MFSD1: variants seen among roughly 807,000 people sequenced by gnomAD.
MFSD1 encodes the protein major facilitator superfamily domain containing 1, also known as lysosomal dipeptide transporter MFSD1.
A neutral mutation model predicts 67.1 loss-of-function variants in MFSD1; 59 were observed. The ratio of observed to expected loss-of-function variants is 0.88; its 90% CI spans 0.71 to 1.09. MFSD1 has a LOEUF of 1.09. Among genes scored for constraint, MFSD1 ranks in the 50% least tolerant of loss-of-function variants. The pLI is 0.00. For missense variants in MFSD1, 552 were observed against 566.1 expected (o/e 0.97, Z 0.25); for synonymous variants, 213 against 200.3 (o/e 1.06, Z -0.54).
Position 158,820,220 on chromosome 3 carries a change from G to A in MFSD1, c.757G>A (p.Val253Ile), listed in dbSNP as rs1730601793. 6.3e-7 allele frequency: 1 copy of A among 1,576,470 alleles called. No homozygotes were observed. Among genetic ancestry groups the A allele is most frequent in the South Asian group, 1.1e-5 (1 of 89,976 alleles). ...LHKEQGKTGE[V>I]IKLTDVKDFS... Reference sequence around the variant, plus strand: ...TCTTCCCTTTCTTCTCTAAGGTGAAGTTATTAAATTAACTGATGTAAAGGA... The same window carrying A: ...TCTTCCCTTTCTTCTCTAAGGTGAAATTATTAAATTAACTGATGTAAAGGA... Residue 253 changes from valine to isoleucine, a missense_variant, in exon 9 of 16, where the codon GTT (valine) becomes ATT (isoleucine). Physicochemically the swap from Val to Ile is conservative, Grantham distance 29 (BLOSUM62 3). Coordinates refer to ENST00000415822, the MANE Select transcript of MFSD1 (RefSeq NM_022736.4).
Position 158,807,096 on chromosome 3 carries a change from A to C in MFSD1, c.372+14A>C, listed in dbSNP as rs772115755. Reference sequence around the variant, plus strand: ...TGCATTGGACAGGTAAGGAAGGCCAAAACATTCATTGATTATTGACAGTGA... The same window carrying C: ...TGCATTGGACAGGTAAGGAAGGCCACAACATTCATTGATTATTGACAGTGA... On this transcript the variant is annotated intron_variant, in intron 4 of 15. Transcript: ENST00000415822. 1.2e-6 allele frequency: 2 copies of C among 1,606,372 alleles called. No individual in the cohort carries two copies. Among genetic ancestry groups the C allele is most frequent in the South Asian group, 2.2e-5 (2 of 90,252 alleles).
At chr3:158,823,147 T>A (rs897411746) in intron 11 of MFSD1, 3 of 330,896 alleles carry the variant, frequency 9.1e-6, no homozygotes, top group Non-Finnish European at 1.1e-5. Flanking sequence ...ATTTTCTTAC[T>A]TGGTCCTTGA....
intron 9 of MFSD1, among the ~76,000 whole-genome samples, chr3:158,821,086 C>G (rs1730645079): frequency 6.6e-6 from 1 of 152,148 alleles, no homozygotes; most frequent in South Asian, 2.1e-4. Context: ...GTAATTCTGC[C>G]AGACTTAAAT....
intron 7 of MFSD1, among the ~76,000 whole-genome samples, chr3:158,818,732 C>T (rs1576909806): frequency 6.6e-6 from 1 of 152,218 alleles, no homozygotes; most frequent in East Asian, 1.9e-4. Context: ...TCAAACTCTC[C>T]CTCTCAAATC....
intron 6 of MFSD1, among the ~76,000 whole-genome samples, chr3:158,811,928 A>G (rs1730043600): frequency 6.6e-6 from 1 of 152,240 alleles, no homozygotes; most frequent in Non-Finnish European, 1.5e-5. Context: ...CTTTCATTCC[A>G]AAATACCTAT....
intron 13 of MFSD1, chr3:158,824,462 G>GT (rs1218776462): frequency 2.5e-6 from 1 of 404,188 alleles, no homozygotes; most frequent in Non-Finnish European, 4.4e-6. Context: ...ACTATTTACA[G>GT]TTTAAAAAAA....
chr3:158,826,245 A>C (rs1039239720), intron 14 of MFSD1, among the ~76,000 whole-genome samples, 183 bp downstream of exon 14: 3 of 152,180 alleles, frequency 2.0e-5, no homozygotes, highest in Non-Finnish European at 2.9e-5. Context: ...ATATTTATTA[A>C]GATTGCTGTC....
At chr3:158,805,694 C>T (rs1729688865) in intron 3 of MFSD1, among the ~76,000 whole-genome samples, 1 of 152,172 alleles carries the variant, frequency 6.6e-6, no homozygotes, top group African/African-American at 2.4e-5. Flanking sequence ...TATAAGGTAA[C>T]TCAGTTATCC....
intron 7 of MFSD1, among the ~76,000 whole-genome samples, chr3:158,816,630 G>T (rs1199860668): frequency 2.0e-5 from 3 of 150,586 alleles, no homozygotes; most frequent in South Asian, 2.1e-4. Context: ...AGTTTCTTTT[G>T]CTGTGCAGAA....
At chr3:158,805,872 A>G (rs926305976) in intron 3 of MFSD1, among the ~76,000 whole-genome samples, 1 of 152,122 alleles carries the variant, frequency 6.6e-6, no homozygotes, top group Non-Finnish European at 1.5e-5. Context: ...GGTTATGAGG[A>G]TTAAGTGAGA....
In MFSD1 at chr3:158,829,124, A is replaced by C. The variant is rs953874781; in HGVS notation, c.*142A>C. ...TTTATATCCAAATATACCTATTTCA[A>C]AGTGTATTTGTGAGGCCTGTTTTAG... On this transcript the variant is annotated 3_prime_UTR_variant, in exon 16 of 16. Transcript: ENST00000415822. 4.3e-5 allele frequency: 30 copies of C among 695,334 alleles called. No individual in the cohort carries two copies. The highest frequency in any genetic ancestry group is 6.2e-5 in the Non-Finnish European group (28 of 453,154). 43.1% of individuals were successfully genotyped at this position (695,334 alleles called of 1,614,324 possible). A position where few individuals can be genotyped will look rare whatever the true frequency, so the allele number is the denominator to read the frequency against.
intron 6 of MFSD1, among the ~76,000 whole-genome samples, chr3:158,812,987 G>A (rs1419328861): frequency 2.6e-5 from 4 of 151,876 alleles, no homozygotes; most frequent in Non-Finnish European, 4.4e-5. Flanking sequence ...AAGTTTATAC[G>A]CCAAAGTTGC....
chr3:158,808,111 G>C lies in MFSD1; in HGVS notation c.440+648G>C, dbSNP rs553580637. Reference sequence around the variant, plus strand: ...CCCCAAAAAGTAACCGTCAGTGAGAGAGAAGGAAGAAGAATGTATGTAAAG... The same window carrying C: ...CCCCAAAAAGTAACCGTCAGTGAGACAGAAGGAAGAAGAATGTATGTAAAG... On this transcript the variant is annotated intron_variant, in intron 5 of 15. Transcript: ENST00000415822. Among the ~76,000 whole-genome samples the C allele has an allele frequency of 3.3e-5, 5 of 152,326 alleles. No homozygotes were observed. The East Asian group carries it at 9.6e-4, about 29-fold the overall frequency.
chr3:158,823,312 A>T, intron 11 of MFSD1, 116 bp from the exon 12 acceptor site: 1 of 735,726 alleles, frequency 1.4e-6, no homozygotes, highest in Non-Finnish European at 2.5e-6. Context: ...ATAACAACAA[A>T]ATTTGCTTGA....
At position 158,829,089 on chromosome 3, in the gene MFSD1, G is replaced by A; in HGVS notation, c.*107G>A. The A allele has an allele frequency of 2.8e-6, 3 of 1,074,432 alleles. No individual in the cohort carries two copies. In the South Asian group the frequency reaches 4.9e-5, roughly 18 times the overall value. The allele number at this position is 1,074,432 out of a possible 1,614,324, so 66.6% of individuals were successfully genotyped here. A position where few individuals can be genotyped will look rare whatever the true frequency, so the allele number is the denominator to read the frequency against. On this transcript the variant is annotated 3_prime_UTR_variant, in exon 16 of 16. Transcript: ENST00000415822. ...AGTCATTAGAAAAAATAATGGACTG[G>A]AAAGTTATATTTATATCCAAATATA... is the stretch of plus-strand genomic sequence containing the variant.
chr3:158,824,193 G>C lies in MFSD1; in HGVS notation c.1245G>C (p.Arg415=), dbSNP rs770007752. The change falls in exon 13 of 16, where the codon CGG becomes CGC. Residue 415 remains arginine (R), a synonymous_variant. Transcript: ENST00000415822. ...TTGCTGGTATGATACTGGATTCTCGGGGGTATTTGTTTTTGGAAGTGTTCT... is the reference window on the plus strand; with the variant it reads ...TTGCTGGTATGATACTGGATTCTCGCGGGTATTTGTTTTTGGAAGTGTTCT... ...SIIAGMILDS[R]GYLFLEVFFI... The C allele has an allele frequency of 3.1e-6, 5 of 1,613,010 alleles. No individual in the cohort carries two copies. The highest frequency in any genetic ancestry group is 4.2e-6 in the Non-Finnish European group (5 of 1,179,640).
chr3:158,805,610 G>T (rs1729685772), intron 3 of MFSD1, 136 bp downstream of exon 3: 3 of 732,366 alleles, frequency 4.1e-6, no homozygotes, highest in African/African-American at 3.6e-5. Context: ...TTAAAAAAAT[G>T]ATTTTTATAT....
chr3:158,802,532 A>C, intron 1 of MFSD1: 1 of 718,926 alleles, frequency 1.4e-6, no homozygotes, highest in Non-Finnish European at 2.5e-6. Context: ...CGAGGGACTG[A>C]GCTGGGCGAG....
At position 158,814,233 on chromosome 3, in the gene MFSD1, C is replaced by T. The variant is rs541817163; in HGVS notation, c.652+166C>T. On this transcript the variant is annotated intron_variant, in intron 7 of 15. Transcript: ENST00000415822. ...ACAACTAGAAATAGGCTATCATTTA[C>T]GCTGTTTGTATATTAATTTCCACTT... Among the ~76,000 whole-genome samples, 10 of 152,318 alleles carry T rather than the reference C, an allele frequency of 6.6e-5. No individual in the cohort carries two copies. The South Asian group carries it at 1.9e-3, about 28-fold the overall frequency.
Sources: gnomAD v4.1 joint callset for allele counts (sites outside exome capture counted in the v4.1 genomes callset) on GRCh38, gnomAD v4.1.1 for gene constraint, MANE v1.5 for transcripts, NCBI Gene and HGNC (gene_info 2026-07-23, HGNC 2026-07-21) for gene names.